The following CIMIP5 variants were observed in gnomAD, a reference collection of about 807,000 sequenced individuals.
The protein encoded by CIMIP5 is ciliary microtubule inner protein 5.
At chr2:11,138,965 T>C in the CIMIP5 span, among the ~76,000 whole-genome samples, 1 of 152,148 alleles carries the variant, frequency 6.6e-6, no homozygotes, top group South Asian at 2.1e-4. Flanking sequence ...TCACCCAGGC[T>C]GGAGTGCAGT....
At chr2:11,143,885 C>A in the CIMIP5 span, 2 of 1,495,486 alleles carry the variant, frequency 1.3e-6, no homozygotes, top group Non-Finnish European at 1.8e-6. Context: ...CCTTTTTCCA[C>A]GCTCTGTGTG....
chr2:11,142,158 CGGG>C, the CIMIP5 span, among the ~76,000 whole-genome samples: 1 of 150,530 alleles, frequency 6.6e-6, no homozygotes, highest in East Asian at 2.0e-4. Context: ...TCCAGCTACT[CGGG>C]AGGCTGAGGC....
chr2:11,148,466 G>A, the CIMIP5 span, among the ~76,000 whole-genome samples: 83 of 152,060 alleles, frequency 5.5e-4, no homozygotes, highest in African/African-American at 2.0e-3. Flanking sequence ...AGTACAAGGC[G>A]AGCCTGGAGC....
chr2:11,136,477 G>T, the CIMIP5 span, among the ~76,000 whole-genome samples: 62 of 152,306 alleles, frequency 4.1e-4, no homozygotes, highest in African/African-American at 1.3e-3. Flanking sequence ...GAGTTCTGGT[G>T]AGTTTTAAAT....
At chr2:11,140,097 A>AC in the CIMIP5 span, among the ~76,000 whole-genome samples, 1 of 140,250 alleles carries the variant, frequency 7.1e-6, no homozygotes, top group African/African-American at 2.7e-5. Context: ...AAAAAAAAAA[A>AC]AAAAAAAAGG....
the CIMIP5 span, among the ~76,000 whole-genome samples, chr2:11,151,390 G>A: frequency 2.0e-5 from 3 of 152,234 alleles, no homozygotes; most frequent in Non-Finnish European, 2.9e-5. Context: ...CTGTTGAAGA[G>A]AGTCAGGGGG....
the CIMIP5 span, among the ~76,000 whole-genome samples, chr2:11,143,062 G>A: frequency 1.4e-4 from 22 of 152,152 alleles, no homozygotes; most frequent in East Asian, 3.5e-3. Flanking sequence ...TTACCCAAAC[G>A]CACGTTCACA....
chr2:11,138,035 G>A, the CIMIP5 span, among the ~76,000 whole-genome samples: 7,537 of 152,162 alleles, frequency 0.05, 634 homozygotes, highest in African/African-American at 0.17. Flanking sequence ...TAGTAGAGAC[G>A]AGGTTTCACC....
chr2:11,137,652 C>G, the CIMIP5 span, among the ~76,000 whole-genome samples: 1 of 152,094 alleles, frequency 6.6e-6, no homozygotes, highest in Admixed American at 6.5e-5. Flanking sequence ...CATGAGTCCA[C>G]AGATATTGGA....
the CIMIP5 span, among the ~76,000 whole-genome samples, chr2:11,140,086 C>CAAAAAAAAAA: frequency 1.8e-4 from 15 of 84,798 alleles, 1 homozygote; most frequent in African/African-American, 4.9e-4. Context: ...GACTCCCTCT[C>CAAAAAAAAAA]AAAAAAAAAA....
the CIMIP5 span, among the ~76,000 whole-genome samples, chr2:11,152,529 C>T: frequency 1.3e-5 from 2 of 152,140 alleles, no homozygotes; most frequent in East Asian, 3.8e-4. Context: ...CCTTGGCCAG[C>T]TTCAGTCAGG....
At chr2:11,140,086 CAAAA>C in the CIMIP5 span, among the ~76,000 whole-genome samples, 4 of 84,796 alleles carry the variant, frequency 4.7e-5, no homozygotes, top group East Asian at 3.5e-4. Context: ...GACTCCCTCT[CAAAA>C]AAAAAAAAAA....
chr2:11,147,343 A>C, the CIMIP5 span, among the ~76,000 whole-genome samples: 6 of 152,184 alleles, frequency 3.9e-5, no homozygotes, highest in Non-Finnish European at 5.9e-5. Flanking sequence ...GCGGGAGGGA[A>C]GAAGACAGAT....
At chr2:11,152,706 C>T in the CIMIP5 span, among the ~76,000 whole-genome samples, 132 of 152,038 alleles carry the variant, frequency 8.7e-4, no homozygotes, top group Non-Finnish European at 1.1e-3. Context: ...TAGAGACCCC[C>T]GTCCAGACAC....
the CIMIP5 span, chr2:11,146,477 T>G: frequency 2.6e-5 from 4 of 152,254 alleles, no homozygotes; most frequent in Non-Finnish European, 5.9e-5. Context: ...AAGGAAAAAC[T>G]GATTTTTCCA....
chr2:11,152,559 A>C, the CIMIP5 span, among the ~76,000 whole-genome samples: 1 of 152,198 alleles, frequency 6.6e-6, no homozygotes, highest in African/African-American at 2.4e-5. Flanking sequence ...CACTCTGTGC[A>C]GCTGTGGCCC....
the CIMIP5 span, among the ~76,000 whole-genome samples, chr2:11,147,656 G>A: frequency 6.6e-6 from 1 of 152,208 alleles, no homozygotes; most frequent in African/African-American, 2.4e-5. Context: ...AAGGGTGCAA[G>A]GGCCCAACAG....
At chr2:11,138,045 C>T in the CIMIP5 span, among the ~76,000 whole-genome samples, 1 of 152,152 alleles carries the variant, frequency 6.6e-6, no homozygotes. Context: ...GAGGTTTCAC[C>T]GTGTTAGCCA....
At chr2:11,133,397 C>T in the CIMIP5 span, 2 of 1,612,218 alleles carry the variant, frequency 1.2e-6, no homozygotes, top group Non-Finnish European at 1.7e-6. Flanking sequence ...GATTGCCCCC[C>T]ACCAGGCCAC....
Sources: allele counts gnomAD v4.1 joint callset (sites outside exome capture counted in the v4.1 genomes callset), GRCh38; gene constraint gnomAD v4.1.1; transcripts MANE v1.5; gene names NCBI Gene and HGNC (gene_info 2026-07-23, HGNC 2026-07-21).